FDFT1: variants seen among roughly 807,000 people sequenced by gnomAD.
FDFT1 encodes the protein farnesyl-diphosphate farnesyltransferase 1, also known as squalene synthase.
FDFT1 carries 68 observed loss-of-function variants against 46.8 expected under a neutral mutation model. That is an observed-to-expected ratio of 1.45 (90% confidence interval 1.19 to 1.78). The LOEUF is 1.78. Ranked by LOEUF, FDFT1 falls within the 40% of genes most tolerant of loss-of-function variation. The pLI, the probability that FDFT1 is intolerant of heterozygous loss-of-function variation, is 0.00. For missense variants in FDFT1, 928 were observed against 524.4 expected (o/e 1.77, Z -7.52); for synonymous variants, 351 against 185.1 (o/e 1.90, Z -7.28).
chr8:11,829,844 G>C (rs58625224), intron 5 of FDFT1, among the ~76,000 whole-genome samples: 2 of 146,692 alleles, frequency 1.4e-5, no homozygotes, highest in African/African-American at 5.3e-5. Flanking sequence ...GTTTTTTTTT[G>C]TTTTGTTTTG....
rs747225690 is a variant in FDFT1, at chr8:11,830,365, C to T, written c.824C>T (p.Thr275Ile). 2 of 1,613,900 alleles carry T rather than the reference C, an allele frequency of 1.2e-6. No homozygotes were observed. Among genetic ancestry groups the T allele is most frequent in the Admixed American group, 1.7e-5 (1 of 60,010 alleles). The change falls in exon 6 of 8, where the codon ACC becomes ATC. Residue 275 changes from threonine (T) to isoleucine (I), a missense_variant. By Grantham distance (89) the Thr-to-Ile change is moderately conservative. Transcript: ENST00000220584. ...CTGCACCACATCCCAGATGTCATCA[C>T]CTACCTTTCGAGACTCAGAAACCAG... ...NALHHIPDVI[T>I]YLSRLRNQSV...
chr8:11,826,102 G>T lies in FDFT1; in HGVS notation c.589G>T (p.Val197Phe). The change falls in exon 5 of 8, where the codon GTT becomes TTT. Residue 197 changes from valine (V) to phenylalanine (F), a missense_variant. Physicochemically the swap from Val to Phe is conservative, Grantham distance 50. Transcript: ENST00000220584. ...FSASEFEDPL[V>F]GEDTERANSM... ...AGCCTCAGAGTTTGAAGACCCCTTA[G>T]TTGGTGAAGATACAGAACGTGCCAA... 7 of 1,611,272 alleles carry T rather than the reference G, an allele frequency of 4.3e-6. No homozygotes were observed. The highest frequency in any genetic ancestry group is 3.3e-5 in the South Asian group (3 of 90,900).
At chr8:11,798,407 C>T (rs770232720), upstream of FDFT1, among the ~76,000 whole-genome samples, 2 of 152,104 alleles carry the variant, frequency 1.3e-5, no homozygotes, top group Admixed American at 6.6e-5. Flanking sequence ...TGGGAAAGGA[C>T]AGGGGAAGTC....
At chr8:11,831,893 C>T in intron 7 of FDFT1, 2 of 464,932 alleles carry the variant, frequency 4.3e-6, no homozygotes, top group Admixed American at 3.6e-5. Flanking sequence ...ATAAATGGAG[C>T]AAGGCTGTAG....
In FDFT1 at chr8:11,838,580, G is replaced by A; in HGVS notation, c.1225G>A (p.Glu409Lys). 1.9e-6 allele frequency: 3 copies of A among 1,614,034 alleles called. No homozygotes were observed. The highest frequency in any genetic ancestry group is 2.5e-6 in the Non-Finnish European group (3 of 1,179,968). ...CCTGACCACTCTCTCCCAGGTAACA[G>A]AAGACTATGTTCAGACTGGAGAACA... The part of the protein sequence containing the change: ...QYLTTLSQVT[E>K]DYVQTGEH The change falls in exon 8 of 8, where the codon GAA becomes AAA. Residue 409 changes from glutamate to lysine, a missense_variant. Coordinates refer to ENST00000220584, the MANE Select transcript of FDFT1 (RefSeq NM_004462.5).
chr8:11,802,479 C>A, upstream of FDFT1: 1 of 478,482 alleles, frequency 2.1e-6, no homozygotes, highest in Non-Finnish European at 4.1e-6. Context: ...AACAAAGGCC[C>A]GGCTCCATCA....
chr8:11,830,586 C>G (rs1026478577), intron 6 of FDFT1, among the ~76,000 whole-genome samples, 166 bp downstream of exon 6: 2 of 152,168 alleles, frequency 1.3e-5, no homozygotes, highest in African/African-American at 4.8e-5. Flanking sequence ...TTCCAGCCAC[C>G]AAACTCAGCT....
At chr8:11,800,091 C>T (rs1429526544), upstream of FDFT1, among the ~76,000 whole-genome samples, 1 of 150,884 alleles carries the variant, frequency 6.6e-6, no homozygotes, top group African/African-American at 2.4e-5. Flanking sequence ...GAAACCCTGT[C>T]TCTACTAAAA....
At chr8:11,808,757 G>A in intron 1 of FDFT1, 37 bp from the exon 2 acceptor site, 3 of 1,578,992 alleles carry the variant, frequency 1.9e-6, no homozygotes, top group Non-Finnish European at 2.6e-6. Flanking sequence ...CCTGCTCCTC[G>A]ACGTCTCCCA....
chr8:11,826,249 C>T, intron 5 of FDFT1, 34 bp downstream of exon 5: 1 of 1,417,784 alleles, frequency 7.1e-7, no homozygotes, highest in Non-Finnish European at 9.5e-7. Context: ...GGGAAAATAA[C>T]TTTAGACATT....
chr8:11,809,558 A>G, intron 2 of FDFT1, 109 bp from the exon 3 acceptor site: 1 of 1,318,384 alleles, frequency 7.6e-7, no homozygotes, highest in Non-Finnish European at 1.0e-6. Context: ...ATAGTTCTTT[A>G]GAGTTAAGGG....
Position 11,838,620 on chromosome 8 carries a change from G to T in FDFT1, c.*11G>T. ...ACTGGAGAACACTGATCCCAAATTT[G>T]TCCATAGCTGAAGTCCACCATAAAG... On this transcript the variant is annotated 3_prime_UTR_variant, in exon 8 of 8. Transcript: ENST00000220584. The T allele has an allele frequency of 6.3e-7, 1 of 1,592,102 alleles. No homozygotes were observed.
At chr8:11,809,107 A>C (rs1618110) in intron 2 of FDFT1, 221,178 of 1,262,388 alleles carry the variant, frequency 0.18, 22,511 homozygotes, top group African/African-American at 0.43. Context: ...TTCAGAGAAG[A>C]GGGGGGAGGG....
At chr8:11,833,864 G>C (rs1056324099) in intron 7 of FDFT1, among the ~76,000 whole-genome samples, 1 of 152,228 alleles carries the variant, frequency 6.6e-6, no homozygotes, top group African/African-American at 2.4e-5. Flanking sequence ...GGCATTAGGG[G>C]AGAAATGTTA....
At chr8:11,813,976 C>T (rs567681629) in intron 3 of FDFT1, among the ~76,000 whole-genome samples, 1 of 152,126 alleles carries the variant, frequency 6.6e-6, no homozygotes, top group Non-Finnish European at 1.5e-5. Flanking sequence ...TTTGTTTTTA[C>T]TTTTAGAACT....
rs1231837547 is a variant in FDFT1, at chr8:11,838,565, C to G, written c.1210C>G (p.Leu404Val). 18 of 1,613,670 alleles carry G rather than the reference C, an allele frequency of 1.1e-5. No individual in the cohort carries two copies. The highest frequency in any genetic ancestry group is 2.2e-5 in the East Asian group (1 of 44,898). Residue 404 changes from leucine to valine, a missense_variant, in exon 8 of 8, where the codon CTC (leucine) becomes GTC (valine). By Grantham distance (32) the Leu-to-Val change is conservative (BLOSUM62 1). Coordinates refer to ENST00000220584, the MANE Select transcript of FDFT1 (RefSeq NM_004462.5). ...AALSWQYLTT[L>V]SQVTEDYVQT... ...CCTGAGCTGGCAGTACCTGACCACT[C>G]TCTCCCAGGTAACAGAAGACTATGT...
intron 2 of FDFT1, 84 bp downstream of exon 2, chr8:11,808,975 G>C (rs752703645): frequency 6.5e-7 from 1 of 1,544,088 alleles, no homozygotes; most frequent in African/African-American, 1.4e-5. Context: ...TTTTGATATA[G>C]CGCTCAGCGT....
At chr8:11,801,736 C>T (rs1475430597), upstream of FDFT1, 1 of 331,534 alleles carries the variant, frequency 3.0e-6, no homozygotes, top group African/African-American at 2.2e-5. Flanking sequence ...CTCTGTTGGC[C>T]TGGCTGGAGT....
At chr8:11,800,104 C>A (rs958647937), upstream of FDFT1, among the ~76,000 whole-genome samples, 1 of 148,606 alleles carries the variant, frequency 6.7e-6, no homozygotes, top group Non-Finnish European at 1.5e-5. Context: ...TACTAAAAAT[C>A]GAAAAATTAC....
Sources: allele counts gnomAD v4.1 joint callset (sites outside exome capture counted in the v4.1 genomes callset), GRCh38; gene constraint gnomAD v4.1.1; transcripts MANE v1.5; gene names NCBI Gene and HGNC (gene_info 2026-07-23, HGNC 2026-07-21).